The following ZNF208 variants were observed in gnomAD, a reference collection of about 807,000 sequenced individuals.
ZNF208 encodes zinc finger protein 95.
A neutral mutation model predicts 12.1 loss-of-function variants in ZNF208; 10 were observed. That is an observed-to-expected ratio of 0.83 (90% CI 0.51 to 1.40). The LOEUF is 1.40. Among genes scored for constraint, ZNF208 ranks in the 40% most tolerant of loss-of-function variants. The pLI is 0.00. For synonymous variants in ZNF208, 497 were observed against 488.4 expected, an observed-to-expected ratio of 1.02 and a Z score of -0.23; for missense variants, 1,652 against 1,485.0, an observed-to-expected ratio of 1.11 and a Z score of -1.85.
At position 21,972,523 on chromosome 19, in the gene ZNF208, T is replaced by C. The variant is rs1447600137; in HGVS notation, c.2511A>G (p.Glu837=). Reference sequence around the variant, plus strand: ...AGAACTTACTAAAGGCTTTGCCACATTCTTTACATTTGTAGGGCTTTTCTC... The same window carrying C: ...AGAACTTACTAAAGGCTTTGCCACACTCTTTACATTTGTAGGGCTTTTCTC... ...HAGEKPYKCK[E]CGKAFSKFSI... The change falls in exon 4 of 4, where the codon GAA becomes GAG. Residue 837 remains glutamate, a synonymous_variant. Coordinates refer to ENST00000397126, the MANE Select transcript of ZNF208 (RefSeq NM_007153.3). 4 of 1,613,014 alleles carry C rather than the reference T, an allele frequency of 2.5e-6. No homozygotes were observed. The highest frequency in any genetic ancestry group is 3.4e-6 in the Non-Finnish European group (4 of 1,179,838).
In ZNF208 at chr19:21,970,833, G is replaced by T; in HGVS notation, c.*358C>A. The T allele has an allele frequency of 1.0e-5, 15 of 1,487,688 alleles. No homozygotes were observed. The highest frequency in any genetic ancestry group is 1.4e-5 in the Non-Finnish European group (15 of 1,068,602). 92.2% of individuals were successfully genotyped at this position (1,487,688 alleles called of 1,614,324 possible). A position where few individuals can be genotyped will look rare whatever the true frequency, so the allele number is the denominator to read the frequency against. On this transcript the variant is annotated 3_prime_UTR_variant, in exon 4 of 4. Coordinates refer to ENST00000397126, the MANE Select transcript of ZNF208 (RefSeq NM_007153.3). ...ACTAAAGACTGAGAACCAGCTGAAG[G>T]CTTTGCCACTTTCTTCACATTTGTA...
rs762268288 is a variant in ZNF208, at chr19:21,974,653, T to C, written c.381A>G (p.Lys127=). 1 of 1,613,806 alleles carries C rather than the reference T, an allele frequency of 6.2e-7. No homozygotes were observed. The highest frequency in any genetic ancestry group is 2.2e-5 in the East Asian group (1 of 44,830). ...YTNVDECKVH[K]EGYNKLNQSL... is the part of the protein sequence containing the mutation. ...TCTGGTTAAGTTTATTATAACCTTC[T>C]TTGTGCACCTTACACTCATCCACAT... Residue 127 remains lysine, a synonymous_variant, in exon 4 of 4, where the codon AAA becomes AAG. Transcript: ENST00000397126.
chr19:21,953,383 A>G (rs986542639), intron 4 of ZNF208, among the ~76,000 whole-genome samples: 1 of 138,410 alleles, frequency 7.2e-6, no homozygotes, highest in African/African-American at 2.9e-5. Context: ...CAAGGTAAAA[A>G]TGAAAGAAAA....
At chr19:21,958,133 T>C (rs1406356978) in intron 4 of ZNF208, among the ~76,000 whole-genome samples, 1 of 151,966 alleles carries the variant, frequency 6.6e-6, no homozygotes, top group African/African-American at 2.4e-5. Flanking sequence ...GACTTCCAAT[T>C]TCATCCATGT....
intron 3 of ZNF208, among the ~76,000 whole-genome samples, chr19:21,976,365 A>C (rs532227961): frequency 1.7e-4 from 26 of 152,314 alleles, no homozygotes; most frequent in African/African-American, 6.0e-4. Flanking sequence ...GTATACATAC[A>C]GAAAAGAAAA....
chr19:21,951,166 A>T (rs1208874584), intron 4 of ZNF208, among the ~76,000 whole-genome samples: 4 of 152,188 alleles, frequency 2.6e-5, no homozygotes, highest in African/African-American at 9.6e-5. Context: ...AGTACTGTCA[A>T]CCTGCCAGCT....
chr19:21,963,552 A>C (rs1334841893), downstream of ZNF208, among the ~76,000 whole-genome samples: 1 of 152,044 alleles, frequency 6.6e-6, no homozygotes, highest in African/African-American at 2.4e-5. Flanking sequence ...TGCTGAGTGG[A>C]GGTGCAACAC....
intron 1 of ZNF208, among the ~76,000 whole-genome samples, chr19:22,001,892 C>CAAAAAAAAAAA (rs58939967): frequency 0.012 from 924 of 74,072 alleles, 202 homozygotes; most frequent in Middle Eastern, 0.025. Flanking sequence ...GACTCCATCC[C>CAAAAAAAAAAA]AAAAAAAAAA....
intron 1 of ZNF208, among the ~76,000 whole-genome samples, chr19:21,999,668 C>CA (rs904420397): frequency 7.9e-4 from 112 of 141,702 alleles, no homozygotes; most frequent in South Asian, 2.0e-3. Context: ...AGACTAAAGA[C>CA]AAAAAAAAAA....
chr19:21,964,673 T>C (rs193115684), downstream of ZNF208, among the ~76,000 whole-genome samples: 769 of 151,896 alleles, frequency 5.1e-3, 3 homozygotes, highest in African/African-American at 0.017. Context: ...AATTTTTATA[T>C]TAAAATCTAG....
intron 4 of ZNF208, among the ~76,000 whole-genome samples, chr19:21,959,407 T>C (rs1970027847): frequency 6.6e-6 from 1 of 152,144 alleles, no homozygotes; most frequent in Non-Finnish European, 1.5e-5. Context: ...AATTAACTTA[T>C]TTTATTAGAA....
chr19:21,957,992 C>T (rs1027992913), intron 4 of ZNF208, among the ~76,000 whole-genome samples: 4 of 151,898 alleles, frequency 2.6e-5, no homozygotes, highest in Non-Finnish European at 4.4e-5. Flanking sequence ...CCCTTCCCAC[C>T]ACCCCATAAC....
At chr19:22,001,114 C>T (rs562826698) in intron 1 of ZNF208, among the ~76,000 whole-genome samples, 5 of 152,150 alleles carry the variant, frequency 3.3e-5, no homozygotes, top group East Asian at 1.9e-4. Flanking sequence ...GGGGAAACCC[C>T]GTCACTACTA....
At chr19:21,948,734 T>C (rs924471503) in intron 4 of ZNF208, among the ~76,000 whole-genome samples, 6 of 152,162 alleles carry the variant, frequency 3.9e-5, no homozygotes, top group Non-Finnish European at 7.3e-5. Flanking sequence ...AGAGATGCTA[T>C]GCTGCTTTTA....
At chr19:21,994,146 T>C (rs1198343209) in intron 1 of ZNF208, among the ~76,000 whole-genome samples, 2 of 152,192 alleles carry the variant, frequency 1.3e-5, no homozygotes, top group African/African-American at 4.8e-5. Flanking sequence ...GGAAAGAGTT[T>C]AATGCAATTT....
chr19:22,007,505 CAAAAAAAA>C (rs58769307), intron 1 of ZNF208, among the ~76,000 whole-genome samples: 24 of 62,562 alleles, frequency 3.8e-4, no homozygotes, highest in African/African-American at 1.5e-3. Flanking sequence ...ACTCTGTCTC[CAAAAAAAA>C]AAAAAAAAAA....
intron 4 of ZNF208, among the ~76,000 whole-genome samples, chr19:21,952,480 T>C (rs1274851898): frequency 6.6e-6 from 1 of 152,190 alleles, no homozygotes; most frequent in South Asian, 2.1e-4. Context: ...ATATTTGCAG[T>C]TCTGCAATAA....
At chr19:22,004,765 G>A (rs1202793139) in intron 1 of ZNF208, among the ~76,000 whole-genome samples, 3 of 152,156 alleles carry the variant, frequency 2.0e-5, no homozygotes, top group Admixed American at 6.5e-5. Context: ...AGTAGAGGGT[G>A]GAGGGTGGGA....
downstream of ZNF208, among the ~76,000 whole-genome samples, chr19:21,962,615 T>C (rs1192168795): frequency 6.6e-6 from 1 of 152,126 alleles, no homozygotes; most frequent in Non-Finnish European, 1.5e-5. Context: ...AGAAGACACA[T>C]TTGCTTCTCA....
Sources: gnomAD v4.1 joint callset for allele counts (sites outside exome capture counted in the v4.1 genomes callset) on GRCh38, gnomAD v4.1.1 for gene constraint, MANE v1.5 for transcripts, NCBI Gene and HGNC (gene_info 2026-07-23, HGNC 2026-07-21) for gene names.